RGS22: variants seen among roughly 807,000 people sequenced by gnomAD.
RGS22 encodes the protein regulator of G protein signaling 22.
In RGS22, 148 loss-of-function variants were observed where a neutral mutation model predicts 172.9. The ratio of observed to expected loss-of-function variants is 0.86; its 90% CI spans 0.75 to 0.98. The LOEUF (loss-of-function observed/expected upper bound fraction) is 0.98. RGS22 is among the 50% of genes least tolerant of loss of function. The pLI, the probability that RGS22 is intolerant of heterozygous loss-of-function variation, is 0.00. For missense variants in RGS22, 1,347 were observed against 1,440.8 expected (o/e 0.93, Z 1.05); for synonymous variants, 458 against 480.2 (o/e 0.95, Z 0.60).
chr8:100,070,554 G>A (rs1810889446), intron 6 of RGS22, among the ~76,000 whole-genome samples: 1 of 152,052 alleles, frequency 6.6e-6, no homozygotes, highest in African/African-American at 2.4e-5. Flanking sequence ...AAGGAACACT[G>A]TTTTCCTGGG....
At position 99,965,402 on chromosome 8, in the gene RGS22, G is replaced by A. The variant is rs367678476; in HGVS notation, c.3548C>T (p.Ser1183Leu). The A allele has an allele frequency of 1.3e-5, 21 of 1,612,642 alleles. No individual in the cohort carries two copies. The highest frequency in any genetic ancestry group is 1.7e-5 in the Non-Finnish European group (20 of 1,179,088). The change falls in exon 24 of 28, where the codon TCA (serine) becomes TTA (leucine). Residue 1183 changes from serine to leucine, a missense_variant. Coordinates refer to ENST00000360863, the MANE Select transcript of RGS22 (RefSeq NM_015668.5). The part of the protein sequence containing the change: ...KDGIKQYANT[S>L]VPAIKTALLS... ...TAAAGCAGTTTTGATAGCAGGCACT[G>A]AAGTATTTGCATATTGTTTGATTCC...
intron 25 of RGS22, 37 bp downstream of exon 25, chr8:99,962,847 AT>A: frequency 6.3e-7 from 1 of 1,579,880 alleles, no homozygotes; most frequent in Non-Finnish European, 8.6e-7. Context: ...GTGATAAAAG[AT>A]AAAAAAGTAA....
At chr8:100,067,621 ATT>A (rs5893506) in intron 6 of RGS22, among the ~76,000 whole-genome samples, 3,301 of 124,426 alleles carry the variant, frequency 0.027, 101 homozygotes, top group African/African-American at 0.1. Flanking sequence ...CACTTTATAC[ATT>A]TTTTTTTTTT....
chr8:99,981,176 G>A (rs554289197), intron 22 of RGS22, among the ~76,000 whole-genome samples: 2 of 152,052 alleles, frequency 1.3e-5, no homozygotes, highest in Non-Finnish European at 2.9e-5. Context: ...ATCACTAAAA[G>A]GCTTTTTAAA....
intron 14 of RGS22, chr8:100,038,622 T>G (rs1028080742): frequency 3.5e-5 from 7 of 199,616 alleles, no homozygotes; most frequent in African/African-American, 1.6e-4. Flanking sequence ...GGTCTTCTTT[T>G]AAATCACTCA....
At position 100,105,443 on chromosome 8, in the gene RGS22, G is replaced by T. The variant is rs766085260; in HGVS notation, c.26-41C>A. 7 of 1,536,098 alleles carry T rather than the reference G, an allele frequency of 4.6e-6. No homozygotes were observed. In the South Asian group the frequency reaches 6.8e-5, roughly 15 times the overall value. ...ATATTACATTATCTCCCTCAAATCT[G>T]ATTTCCTTTGAGTAAATGAAATCAT... On this transcript the variant is annotated intron_variant, in intron 1 of 27. Transcript: ENST00000360863.
intron 3 of RGS22, among the ~76,000 whole-genome samples, chr8:100,089,469 C>T (rs1367547985): frequency 6.6e-6 from 1 of 152,126 alleles, no homozygotes; most frequent in African/African-American, 2.4e-5. Flanking sequence ...AGGGACTACT[C>T]CATTTCACCC....
chr8:100,019,650 C>T (rs971802937), intron 14 of RGS22, among the ~76,000 whole-genome samples: 5 of 152,110 alleles, frequency 3.3e-5, no homozygotes, highest in African/African-American at 4.8e-5. Flanking sequence ...CTTCCAATAT[C>T]GTATTCCAGA....
intron 9 of RGS22, among the ~76,000 whole-genome samples, chr8:100,054,054 G>C (rs181398262): frequency 7.4e-4 from 113 of 152,220 alleles, no homozygotes; most frequent in Admixed American, 4.6e-3. Context: ...ATAAATCAAA[G>C]ACCAACATTA....
At chr8:99,969,531 G>A (rs1811102749) in intron 23 of RGS22, among the ~76,000 whole-genome samples, 1 of 151,566 alleles carries the variant, frequency 6.6e-6, no homozygotes, top group Non-Finnish European at 1.5e-5. Flanking sequence ...ACAAATGGAG[G>A]AATATTTACC....
At chr8:100,088,468 A>T (rs1232427160) in intron 3 of RGS22, among the ~76,000 whole-genome samples, 2 of 152,136 alleles carry the variant, frequency 1.3e-5, no homozygotes, top group African/African-American at 4.8e-5. Flanking sequence ...ACACTATAGC[A>T]CGGAAGAAAA....
At chr8:100,012,915 T>C (rs1399157791) in intron 14 of RGS22, among the ~76,000 whole-genome samples, 2 of 151,970 alleles carry the variant, frequency 1.3e-5, no homozygotes, top group African/African-American at 2.4e-5. Context: ...CAAATTCTCA[T>C]ATGTTGAGCA....
intron 4 of RGS22, among the ~76,000 whole-genome samples, chr8:100,077,800 T>C (rs1283609906): frequency 6.6e-6 from 1 of 152,226 alleles, no homozygotes; most frequent in Non-Finnish European, 1.5e-5. Flanking sequence ...TTCTATCAGT[T>C]ACTGAGAGAG....
intron 14 of RGS22, among the ~76,000 whole-genome samples, chr8:100,026,533 T>C (rs965794431): frequency 6.6e-6 from 1 of 152,190 alleles, no homozygotes; most frequent in Non-Finnish European, 1.5e-5. Context: ...CTGACTTATT[T>C]GTCATGGGAC....
chr8:100,058,976 T>C (rs1389536311), intron 9 of RGS22, among the ~76,000 whole-genome samples: 1 of 152,162 alleles, frequency 6.6e-6, no homozygotes, highest in Non-Finnish European at 1.5e-5. Context: ...TACGGTAAGA[T>C]ATAAACAGAA....
chr8:100,075,075 C>T (rs1207098328), intron 4 of RGS22, among the ~76,000 whole-genome samples: 1 of 152,052 alleles, frequency 6.6e-6, no homozygotes, highest in Non-Finnish European at 1.5e-5. Context: ...TGGCCGCATG[C>T]AGGTTTTTGT....
chr8:100,033,313 C>T (rs186550225), intron 14 of RGS22, among the ~76,000 whole-genome samples: 206 of 149,678 alleles, frequency 1.4e-3, no homozygotes, highest in African/African-American at 4.6e-3. Flanking sequence ...CAAACAGATG[C>T]AATTAAAAAT....
intron 4 of RGS22, among the ~76,000 whole-genome samples, chr8:100,077,780 C>T (rs1220949797): frequency 6.6e-6 from 1 of 152,170 alleles, no homozygotes; most frequent in Non-Finnish European, 1.5e-5. Flanking sequence ...CCTTACTGAT[C>T]TGCTATCTTT....
intron 3 of RGS22, among the ~76,000 whole-genome samples, chr8:100,083,080 C>T (rs1811883845): frequency 1.3e-5 from 2 of 152,162 alleles, no homozygotes; most frequent in South Asian, 4.1e-4. Context: ...GGCACATGAA[C>T]ACCCTAAGTA....
Sources: gnomAD v4.1 joint callset for allele counts (sites outside exome capture counted in the v4.1 genomes callset) on GRCh38, gnomAD v4.1.1 for gene constraint, MANE v1.5 for transcripts, NCBI Gene and HGNC (gene_info 2026-07-23, HGNC 2026-07-21) for gene names.